Variants in MGAM2 observed in about 807,000 individuals in gnomAD.
MGAM2 encodes probable maltase-glucoamylase 2.
MGAM2 carries 98 observed loss-of-function variants against 96.1 expected under a neutral mutation model. The observed-to-expected ratio is 1.02, with a 90% CI of 0.87 to 1.21. The LOEUF is 1.21. Among genes scored for constraint, MGAM2 ranks in the 50% most tolerant of loss-of-function variants. The probability of loss-of-function intolerance (pLI) is 0.00; values close to 1 mark genes in which losing one functional copy is unlikely to be tolerated. For synonymous variants in MGAM2, 749 were observed against 414.8 expected (o/e 1.81, Z -9.79); for missense variants, 2,055 against 1,182.4 (o/e 1.74, Z -10.82).
At chr7:142,142,313 C>T (rs1795254408) in intron 12 of MGAM2, among the ~76,000 whole-genome samples, 1 of 152,012 alleles carries the variant, frequency 6.6e-6, no homozygotes, top group African/African-American at 2.4e-5. Context: ...AGTCCATAGT[C>T]AAATAAAAAT....
intron 20 of MGAM2, 69 bp downstream of exon 20, chr7:142,159,412 T>C (rs1795826800): frequency 1.4e-6 from 1 of 691,578 alleles, no homozygotes; most frequent in Non-Finnish European, 2.6e-6. Context: ...AGCAGCAGTC[T>C]TGGGAGCTTG....
chr7:142,125,295 A>C (rs1427255774), intron 3 of MGAM2, among the ~76,000 whole-genome samples: 1 of 152,198 alleles, frequency 6.6e-6, no homozygotes, highest in Non-Finnish European at 1.5e-5. Context: ...CCCTGCATCA[A>C]ATGAAAGTTG....
intron 3 of MGAM2, among the ~76,000 whole-genome samples, chr7:142,123,355 T>C (rs1301678570): frequency 6.6e-6 from 1 of 152,150 alleles, no homozygotes; most frequent in Non-Finnish European, 1.5e-5. Flanking sequence ...CTATAGGATA[T>C]GTACATGTTT....
At chr7:142,121,107 T>C (rs1190793244) in intron 3 of MGAM2, among the ~76,000 whole-genome samples, 1 of 152,204 alleles carries the variant, frequency 6.6e-6, no homozygotes, top group East Asian at 1.9e-4. Flanking sequence ...ATTTTGATAG[T>C]TTTGAATCTT....
intron 1 of MGAM2, among the ~76,000 whole-genome samples, chr7:142,114,153 GGAAAGAAAGAAAGAAAGAAAGAAAGAAA>G (rs772126693): frequency 1.4e-4 from 12 of 87,010 alleles, no homozygotes; most frequent in African/African-American, 6.0e-4. Flanking sequence ...AAAGAAAGAA[GGAAAGAAAGAAAGAAAGAAAGAAAGAAA>G]GAAAGAAAGA....
intron 45 of MGAM2, among the ~76,000 whole-genome samples, chr7:142,202,984 T>C (rs887629484): frequency 5.3e-5 from 8 of 152,186 alleles, no homozygotes; most frequent in African/African-American, 1.9e-4. Context: ...CATATGTTAT[T>C]ATTTGACTTT....
At chr7:142,127,269 T>C (rs1794756570) in intron 3 of MGAM2, among the ~76,000 whole-genome samples, 1 of 152,214 alleles carries the variant, frequency 6.6e-6, no homozygotes, top group African/African-American at 2.4e-5. Flanking sequence ...CTAATTTGTC[T>C]TCTCCTTTCT....
intron 15 of MGAM2, among the ~76,000 whole-genome samples, chr7:142,151,809 A>G (rs1435866562): frequency 6.6e-6 from 1 of 152,232 alleles, no homozygotes; most frequent in Admixed American, 6.5e-5. Flanking sequence ...TTCTCTGGCC[A>G]GGCATAATGG....
chr7:142,140,851 C>T lies in MGAM2; in HGVS notation c.1136C>T (p.Thr379Ile), dbSNP rs1231477927. The T allele has an allele frequency of 1.4e-6, 1 of 702,970 alleles. No homozygotes were observed. The highest frequency in any genetic ancestry group is 2.7e-5 in the East Asian group (1 of 37,268). 43.5% of individuals were successfully genotyped at this position (702,970 alleles called of 1,614,324 possible). A position where few individuals can be genotyped will look rare whatever the true frequency, so the allele number is the denominator to read the frequency against. Residue 379 changes from threonine (T) to isoleucine (I), a missense_variant, in exon 11 of 48, where the codon ACT becomes ATT. Physicochemically the swap from Thr to Ile is moderately conservative, Grantham distance 89. Transcript: ENST00000477922. ...TACATGGATGGAAAGAAGGATTTCA[C>T]TGTTGATGAAGTCGCTTACTCTGGT... is the stretch of plus-strand genomic sequence containing the variant. ...IDYMDGKKDF[T>I]VDEVAYSGLP... is the part of the protein sequence containing the mutation.
At chr7:142,162,393 G>A (rs1173398535) in intron 23 of MGAM2, among the ~76,000 whole-genome samples, 1 of 152,020 alleles carries the variant, frequency 6.6e-6, no homozygotes, top group Non-Finnish European at 1.5e-5. Context: ...GTAAAACTTG[G>A]CCTTTGGCAC....
intron 23 of MGAM2, among the ~76,000 whole-genome samples, chr7:142,163,662 T>A (rs1795954792): frequency 6.6e-6 from 1 of 152,242 alleles, no homozygotes; most frequent in Non-Finnish European, 1.5e-5. Flanking sequence ...TTTATAATAA[T>A]CTTCCAAACT....
At chr7:142,186,192 A>T in intron 35 of MGAM2, 69 bp downstream of exon 35, 1 of 674,776 alleles carries the variant, frequency 1.5e-6, no homozygotes. Context: ...TGGGGAGGAG[A>T]GACTAGCAAA....
intron 3 of MGAM2, among the ~76,000 whole-genome samples, chr7:142,123,661 C>T (rs1026307834): frequency 5.3e-5 from 8 of 151,806 alleles, no homozygotes; most frequent in Admixed American, 4.6e-4. Flanking sequence ...GTAGTAGTTA[C>T]TTATGTATTC....
In MGAM2 at chr7:142,198,614, G is replaced by T. The variant is rs1311346442; in HGVS notation, c.4924-1G>T. ...TTTTTTGCCTGTATTCTCCTTTCTAGGGAACTAGCAGCACATCAACAGGTC... is the reference window on the plus strand; with the variant it reads ...TTTTTTGCCTGTATTCTCCTTTCTATGGAACTAGCAGCACATCAACAGGTC... On this transcript the variant is annotated splice_acceptor_variant, in intron 43 of 47. Transcript: ENST00000477922. LOFTEE classifies it high-confidence loss of function. 1 of 702,354 alleles carries T rather than the reference G, an allele frequency of 1.4e-6. No individual in the cohort carries two copies. The highest frequency in any genetic ancestry group is 2.6e-6 in the Non-Finnish European group (1 of 384,672). The allele number at this position is 702,354 out of a possible 1,614,324, so 43.5% of individuals were successfully genotyped here. A position where few individuals can be genotyped will look rare whatever the true frequency, so the allele number is the denominator to read the frequency against.
At chr7:142,169,065 G>T (rs548255862) in intron 26 of MGAM2, among the ~76,000 whole-genome samples, 1 of 151,908 alleles carries the variant, frequency 6.6e-6, no homozygotes, top group Non-Finnish European at 1.5e-5. Flanking sequence ...GAGGTTCTGC[G>T]TTCCTAACAA....
chr7:142,198,622 G>A lies in MGAM2; in HGVS notation c.4931G>A (p.Ser1644Asn), dbSNP rs553091675. The change falls in exon 44 of 48, where the codon AGC becomes AAC. Residue 1644 changes from serine to asparagine, a missense_variant. Ser to Asn is a conservative substitution (Grantham distance 46). Coordinates refer to ENST00000477922, the MANE Select transcript of MGAM2 (RefSeq NM_001293626.2). ...ARWYDYSTGT[S>N]STSTGQRKIL... ...CTGTATTCTCCTTTCTAGGGAACTA[G>A]CAGCACATCAACAGGTCAGAGGAAA... is the stretch of plus-strand genomic sequence containing the variant. 1.1e-5 allele frequency: 8 copies of A among 702,862 alleles called. No homozygotes were observed. The South Asian group carries it at 1.2e-4, about 10-fold the overall frequency. The allele number at this position is 702,862 out of a possible 1,614,324, so 43.5% of individuals were successfully genotyped here.
At chr7:142,218,311 T>G (rs770750411) in intron 46 of MGAM2, 50 bp from the exon 47 acceptor site, 1 of 571,724 alleles carries the variant, frequency 1.7e-6, no homozygotes, top group South Asian at 2.7e-5. Flanking sequence ...TGGACCATAG[T>G]CTATCAACAA....
intron 45 of MGAM2, among the ~76,000 whole-genome samples, chr7:142,203,939 G>A (rs1797320142): frequency 6.6e-6 from 1 of 151,986 alleles, no homozygotes. Flanking sequence ...GGTTATTTTA[G>A]CTCTTTTGTA....
intron 37 of MGAM2, among the ~76,000 whole-genome samples, chr7:142,190,010 A>G (rs1796820296): frequency 6.6e-6 from 1 of 152,132 alleles, no homozygotes; most frequent in Admixed American, 6.6e-5. Context: ...CTTTTGACTA[A>G]TAAAATTTCA....
Sources: allele counts gnomAD v4.1 joint callset (sites outside exome capture counted in the v4.1 genomes callset), GRCh38; gene constraint gnomAD v4.1.1; transcripts MANE v1.5; gene names NCBI Gene and HGNC (gene_info 2026-07-23, HGNC 2026-07-21).